OPCML: variants seen among roughly 807,000 people sequenced by gnomAD.
OPCML encodes opioid-binding protein/cell adhesion molecule.
A neutral mutation model predicts 37.8 loss-of-function variants in OPCML; 13 were observed. The ratio of observed to expected loss-of-function variants is 0.34; its 90% CI spans 0.22 to 0.55. The LOEUF (loss-of-function observed/expected upper bound fraction) is 0.55. Among genes scored for constraint, OPCML ranks in the 20% least tolerant of loss-of-function variants. The pLI is 0.91. For missense variants in OPCML, 341 were observed against 435.6 expected, an observed-to-expected ratio of 0.78 and a Z score of 1.93; for synonymous variants, 176 against 168.8, an observed-to-expected ratio of 1.04 and a Z score of -0.33.
chr11:133,263,449 T>C (rs187205061), intron 1 of OPCML, among the ~76,000 whole-genome samples: 1 of 152,308 alleles, frequency 6.6e-6, no homozygotes, highest in East Asian at 1.9e-4. Context: ...AGGAGCACTG[T>C]ACAGTGTGTA....
chr11:132,740,968 T>C (rs746278833), intron 2 of OPCML, among the ~76,000 whole-genome samples: 4 of 152,188 alleles, frequency 2.6e-5, no homozygotes, highest in Admixed American at 2.6e-4. Flanking sequence ...TAAAGGGCAA[T>C]GTGATGAAGG....
Position 133,097,538 on chromosome 11 carries a change from TAGAA to T in OPCML, c.62-154532_62-154529del, listed in dbSNP as rs573741042. The stretch of plus-strand genomic sequence containing the variant: ...ACAATTAGAACAAACGTCAATGAAA[TAGAA>T]AAGAGAAAATGAACAGAGAAAATCA... On this transcript the variant is annotated intron_variant, in intron 1 of 7. Coordinates refer to ENST00000524381, the MANE Select transcript of OPCML (RefSeq NM_001012393.5). Among the ~76,000 whole-genome samples, 98 of 151,608 alleles carry T rather than the reference TAGAA, an allele frequency of 6.5e-4. 3 individuals carry two copies. In the South Asian group the frequency reaches 0.02, roughly 32 times the overall value.
At chr11:132,999,466 T>C (rs1291044341) in intron 1 of OPCML, among the ~76,000 whole-genome samples, 1 of 151,938 alleles carries the variant, frequency 6.6e-6, no homozygotes, top group Non-Finnish European at 1.5e-5. Context: ...ATAGATAAAG[T>C]TTAATATATT....
chr11:133,362,290 G>A (rs887021203), intron 1 of OPCML: 3 of 152,468 alleles, frequency 2.0e-5, no homozygotes, highest in Admixed American at 1.3e-4. Context: ...GTGAAATGGA[G>A]ACTCTGGAGC....
chr11:132,902,655 C>A (rs182210818), intron 2 of OPCML, among the ~76,000 whole-genome samples: 21 of 152,286 alleles, frequency 1.4e-4, no homozygotes, highest in African/African-American at 5.1e-4. Context: ...ACTTTAGAAG[C>A]AGCCTCATAA....
intron 3 of OPCML, among the ~76,000 whole-genome samples, chr11:132,548,595 C>A (rs567901327): frequency 5.9e-5 from 9 of 152,276 alleles, no homozygotes; most frequent in Non-Finnish European, 1.2e-4. Flanking sequence ...CAGAGCAGAG[C>A]CAGCGAGGAA....
intron 1 of OPCML, among the ~76,000 whole-genome samples, chr11:133,105,907 G>A (rs915161607): frequency 2.0e-5 from 3 of 151,942 alleles, no homozygotes; most frequent in Non-Finnish European, 2.9e-5. Context: ...GCTTGAACCC[G>A]GGAGGCAGAG....
intron 2 of OPCML, among the ~76,000 whole-genome samples, chr11:132,823,369 C>G (rs1036881612): frequency 3.9e-5 from 6 of 152,306 alleles, no homozygotes; most frequent in African/African-American, 1.2e-4. Context: ...TGTCCTCACA[C>G]CCCTTCCTCC....
chr11:133,083,247 G>T (rs944181737), intron 1 of OPCML, among the ~76,000 whole-genome samples: 39 of 152,286 alleles, frequency 2.6e-4, no homozygotes, highest in African/African-American at 9.1e-4. Flanking sequence ...GCGGGAGCGG[G>T]AGCCGCGGGC....
At chr11:133,441,457 A>G (rs1946363289) in intron 1 of OPCML, among the ~76,000 whole-genome samples, 1 of 152,198 alleles carries the variant, frequency 6.6e-6, no homozygotes, top group South Asian at 2.1e-4. Context: ...AAATATGGAC[A>G]GGATATACTA....
chr11:133,243,952 G>T (rs575253997), intron 1 of OPCML, among the ~76,000 whole-genome samples: 19 of 152,258 alleles, frequency 1.2e-4, no homozygotes, highest in African/African-American at 4.6e-4. Flanking sequence ...AGTCCTAAAG[G>T]CATCGAGGGA....
chr11:132,896,502 G>C (rs912466367), intron 2 of OPCML, among the ~76,000 whole-genome samples: 16 of 152,182 alleles, frequency 1.1e-4, no homozygotes, highest in African/African-American at 3.9e-4. Context: ...AATGGTACCT[G>C]GTATGCACCT....
chr11:133,338,693 C>T (rs1943796585), intron 1 of OPCML, among the ~76,000 whole-genome samples: 1 of 152,146 alleles, frequency 6.6e-6, no homozygotes, highest in Non-Finnish European at 1.5e-5. Flanking sequence ...TTCTAGCCTG[C>T]CAAAGAGAAA....
intron 2 of OPCML, among the ~76,000 whole-genome samples, chr11:132,836,651 C>T (rs1429354297): frequency 6.6e-5 from 10 of 152,102 alleles, no homozygotes; most frequent in Admixed American, 6.6e-5. Context: ...ATATTATCTG[C>T]TAATATTTGT....
rs151205683 is a variant in OPCML at position 133,402,836 on chromosome 11, C to A, written c.61+129428G>T. Among the ~76,000 whole-genome samples, 11 of 152,274 alleles carry A rather than the reference C, an allele frequency of 7.2e-5. No individual in the cohort carries two copies. The East Asian group carries it at 2.1e-3, about 29-fold the overall frequency. On this transcript the variant is annotated intron_variant, in intron 1 of 7. Coordinates refer to ENST00000524381, the MANE Select transcript of OPCML (RefSeq NM_001012393.5). ...TCTAAGCCATGAAAGCACCTCTAAG[C>A]CACTGGACCCAAGTCGCCAAGGCCA...
chr11:133,344,474 C>T (rs530341702), intron 1 of OPCML, among the ~76,000 whole-genome samples: 2 of 152,082 alleles, frequency 1.3e-5, no homozygotes, highest in African/African-American at 2.4e-5. Flanking sequence ...AATCCTGTTG[C>T]GTTCTGACAT....
intron 1 of OPCML, among the ~76,000 whole-genome samples, chr11:133,009,445 C>G: frequency 6.6e-6 from 1 of 152,152 alleles, no homozygotes; most frequent in East Asian, 1.9e-4. Flanking sequence ...CAAGATTGAT[C>G]GACCTAACTT....
At chr11:132,699,283 A>T (rs1165895825) in intron 2 of OPCML, among the ~76,000 whole-genome samples, 1 of 152,120 alleles carries the variant, frequency 6.6e-6, no homozygotes. Flanking sequence ...ATTTAAGATT[A>T]TGTCATCTGC....
At chr11:132,969,891 C>T (rs1251723999) in intron 1 of OPCML, among the ~76,000 whole-genome samples, 4 of 152,102 alleles carry the variant, frequency 2.6e-5, no homozygotes, top group Admixed American at 2.6e-4. Flanking sequence ...TGTTTGAAGT[C>T]TTTGTTAAAT....
Sources: gnomAD v4.1 joint callset for allele counts (sites outside exome capture counted in the v4.1 genomes callset) on GRCh38, gnomAD v4.1.1 for gene constraint, MANE v1.5 for transcripts, NCBI Gene and HGNC (gene_info 2026-07-23, HGNC 2026-07-21) for gene names.